MSH4: variants seen among roughly 807,000 people sequenced by gnomAD.
The protein encoded by MSH4 is mutS protein homolog 4.
MSH4 carries 106 observed loss-of-function variants against 113.7 expected under a neutral mutation model. The ratio of observed to expected loss-of-function variants is 0.93; its 90% CI spans 0.80 to 1.10. MSH4 has a LOEUF of 1.10. Among genes scored for constraint, MSH4 ranks in the 50% least tolerant of loss-of-function variants. The pLI, the probability that MSH4 is intolerant of heterozygous loss-of-function variation, is 0.00. For missense variants in MSH4, 1,061 were observed against 1,093.7 expected, an observed-to-expected ratio of 0.97 and a Z score of 0.42; for synonymous variants, 368 against 380.2, an observed-to-expected ratio of 0.97 and a Z score of 0.37.
rs1651513711 is a variant in MSH4, at chr1:75,863,998, TC to T, written c.1231-3513del. On this transcript the variant is annotated intron_variant, in intron 8 of 19. Transcript: ENST00000263187. ...CCTCAAAAATTCCCCTTCTTCTCCT[TC>T]CCATCCATTATTTTCTACCTGTCTC... 2.0e-5 allele frequency among the ~76,000 whole-genome samples: 3 copies of T among 152,268 alleles called. No homozygotes were observed. In the South Asian group the frequency reaches 6.2e-4, roughly 32 times the overall value.
At chr1:75,842,404 C>G (rs1389245614) in intron 7 of MSH4, among the ~76,000 whole-genome samples, 3 of 152,094 alleles carry the variant, frequency 2.0e-5, no homozygotes, top group Non-Finnish European at 2.9e-5. Context: ...GCAAGCCACC[C>G]AGGCCCCAAG....
At chr1:75,891,108 C>T (rs1202773103) in intron 17 of MSH4, among the ~76,000 whole-genome samples, 4 of 152,104 alleles carry the variant, frequency 2.6e-5, no homozygotes, top group African/African-American at 9.7e-5. Context: ...ATATGAAGGT[C>T]TTTCAGTAAT....
At chr1:75,810,871 A>G in intron 4 of MSH4, 64 bp downstream of exon 4, 1 of 775,744 alleles carries the variant, frequency 1.3e-6, no homozygotes, top group South Asian at 2.2e-5. Flanking sequence ...TTTGTTATTT[A>G]TTATTTATTT....
At chr1:75,849,666 A>C (rs1410400609) in intron 8 of MSH4, among the ~76,000 whole-genome samples, 1 of 152,190 alleles carries the variant, frequency 6.6e-6, no homozygotes, top group African/African-American at 2.4e-5. Flanking sequence ...AACCTAAAAC[A>C]ACTGATGTTT....
At chr1:75,821,451 C>G (rs532834594) in intron 6 of MSH4, among the ~76,000 whole-genome samples, 200 of 151,560 alleles carry the variant, frequency 1.3e-3, no homozygotes, top group African/African-American at 4.6e-3. Context: ...CAAGAGAAAG[C>G]AGGAAAGATC....
At chr1:75,851,329 T>C (rs1481969858) in intron 8 of MSH4, among the ~76,000 whole-genome samples, 2 of 152,182 alleles carry the variant, frequency 1.3e-5, no homozygotes, top group Non-Finnish European at 2.9e-5. Context: ...TTATTAGATA[T>C]AACTCATTGC....
intron 1 of MSH4, among the ~76,000 whole-genome samples, chr1:75,800,333 C>G (rs895319032): frequency 1.3e-5 from 2 of 152,110 alleles, no homozygotes; most frequent in Non-Finnish European, 2.9e-5. Context: ...TCATTGATTC[C>G]TGCTGGAACC....
At chr1:75,847,378 G>A (rs1370276810) in intron 7 of MSH4, among the ~76,000 whole-genome samples, 2 of 152,174 alleles carry the variant, frequency 1.3e-5, no homozygotes, top group Non-Finnish European at 2.9e-5. Context: ...CTCTTGGGAA[G>A]TTATGTGGTT....
intron 8 of MSH4, among the ~76,000 whole-genome samples, chr1:75,863,438 G>A (rs1261979954): frequency 1.3e-5 from 2 of 151,834 alleles, no homozygotes; most frequent in South Asian, 2.1e-4. Flanking sequence ...TGCTATTATC[G>A]CTTCATTAAA....
At chr1:75,806,616 A>G (rs1261732001) in intron 2 of MSH4, among the ~76,000 whole-genome samples, 1 of 152,108 alleles carries the variant, frequency 6.6e-6, no homozygotes, top group Non-Finnish European at 1.5e-5. Flanking sequence ...GCTGTGTGCC[A>G]ATATCACACC....
chr1:75,865,117 T>C (rs77953247), intron 8 of MSH4, among the ~76,000 whole-genome samples: 1,987 of 152,164 alleles, frequency 0.013, 21 homozygotes, highest in Non-Finnish European at 0.018. Flanking sequence ...CCTGTACAGG[T>C]ATCCTTTCCT....
intron 4 of MSH4, among the ~76,000 whole-genome samples, chr1:75,814,291 CAAAAAAA>C (rs138983828): frequency 9.9e-6 from 1 of 101,260 alleles, no homozygotes; most frequent in Admixed American, 1.1e-4. Flanking sequence ...TATCTCTGCT[CAAAAAAA>C]AAAAAAAAAA....
chr1:75,847,604 A>G (rs995615605), intron 7 of MSH4, among the ~76,000 whole-genome samples: 1 of 152,152 alleles, frequency 6.6e-6, no homozygotes, highest in African/African-American at 2.4e-5. Context: ...CAGTGACTGG[A>G]AAGTCCAAGA....
chr1:75,895,707 T>C (rs556199946), intron 17 of MSH4, among the ~76,000 whole-genome samples: 34 of 152,282 alleles, frequency 2.2e-4, no homozygotes, highest in African/African-American at 7.2e-4. Flanking sequence ...TTTCACATTA[T>C]AGTATTTAAG....
intron 6 of MSH4, among the ~76,000 whole-genome samples, chr1:75,822,032 A>G (rs1650427005): frequency 1.3e-5 from 2 of 152,188 alleles, no homozygotes; most frequent in African/African-American, 4.8e-5. Flanking sequence ...CTGTAATCCC[A>G]GCACTTTGGG....
intron 17 of MSH4, among the ~76,000 whole-genome samples, chr1:75,895,501 C>T (rs1416172032): frequency 6.6e-6 from 1 of 152,052 alleles, no homozygotes; most frequent in East Asian, 1.9e-4. Flanking sequence ...GTTGTAATTA[C>T]CAACTACAAC....
intron 15 of MSH4, among the ~76,000 whole-genome samples, chr1:75,885,341 G>GTGTA (rs1491097493): frequency 3.3e-4 from 34 of 102,576 alleles, no homozygotes; most frequent in East Asian, 2.3e-3. Flanking sequence ...GTGTGTGTGT[G>GTGTA]TATATATATA....
chr1:75,883,074 A>G (rs1351601041), intron 14 of MSH4, among the ~76,000 whole-genome samples: 1 of 151,780 alleles, frequency 6.6e-6, no homozygotes, highest in Non-Finnish European at 1.5e-5. Flanking sequence ...GCACAATCTC[A>G]GCTCACTGCA....
chr1:75,803,432 C>T (rs1456498677), intron 1 of MSH4, among the ~76,000 whole-genome samples: 2 of 152,044 alleles, frequency 1.3e-5, no homozygotes, highest in South Asian at 2.1e-4. Flanking sequence ...GCCCAGCCAA[C>T]ATGGTGAAAC....
Sources: allele counts gnomAD v4.1 joint callset (sites outside exome capture counted in the v4.1 genomes callset), GRCh38; gene constraint gnomAD v4.1.1; transcripts MANE v1.5; gene names NCBI Gene and HGNC (gene_info 2026-07-23, HGNC 2026-07-21).